Variants in COQ9 observed in about 807,000 individuals in gnomAD.
COQ9 encodes coenzyme Q9.
Under a neutral mutation model 42.4 loss-of-function variants are expected in COQ9, and 35 were observed. The observed-to-expected ratio is 0.83, with a 90% CI of 0.63 to 1.10. The LOEUF is 1.10. Among genes scored for constraint, COQ9 ranks in the 50% least tolerant of loss-of-function variants. COQ9 has a pLI of 0.00. For synonymous variants in COQ9, 155 were observed against 155.1 expected (o/e 1.00, Z 0.00); for missense variants, 406 against 414.6 (o/e 0.98, Z 0.18).
At chr16:57,458,207 C>A in intron 5 of COQ9, 39 bp from the exon 6 acceptor site, 1 of 1,445,948 alleles carries the variant, frequency 6.9e-7, no homozygotes, top group Non-Finnish European at 9.6e-7. Flanking sequence ...GCACCATTAC[C>A]TGTGAGCAGA....
Position 57,461,194 on chromosome 16 carries a change from A to G in COQ9, c.*570A>G, listed in dbSNP as rs139650688. 112 of 455,650 alleles carry G rather than the reference A, an allele frequency of 2.5e-4. 1 individual carries two copies. Among genetic ancestry groups the G allele is most frequent in the African/African-American group, 2.0e-3 (99 of 50,198 alleles). 28.2% of individuals were successfully genotyped at this position (455,650 alleles called of 1,614,324 possible). A position where few individuals can be genotyped will look rare whatever the true frequency, so the allele number is the denominator to read the frequency against. ...GAGGTGTGATTCCAGGCCTGGTGTCACATGACACCAGCATGCATTGCAGGA... is the reference window on the plus strand; with the variant it reads ...GAGGTGTGATTCCAGGCCTGGTGTCGCATGACACCAGCATGCATTGCAGGA... On this transcript the variant is annotated 3_prime_UTR_variant, in exon 9 of 9. Coordinates refer to ENST00000262507, the MANE Select transcript of COQ9 (RefSeq NM_020312.4).
chr16:57,449,249 C>G (rs916153138), intron 1 of COQ9, among the ~76,000 whole-genome samples: 2 of 152,282 alleles, frequency 1.3e-5, no homozygotes, highest in Admixed American at 6.5e-5. Flanking sequence ...CCTGAACAAA[C>G]AGTAAAATTT....
At position 57,458,288 on chromosome 16, in the gene COQ9, C is replaced by G. The variant is rs373923964; in HGVS notation, c.649C>G (p.Leu217Val). ...GCTCCCTCACAACATCCCGTCCAGC[C>G]TGAGCCTGCTCACCAGCATGGTGGA... is the stretch of plus-strand genomic sequence containing the variant. ...LMLPHNIPSS[L>V]SLLTSMVDDM... Residue 217 changes from leucine to valine, a missense_variant, in exon 6 of 9, where the codon CTG becomes GTG. By Grantham distance (32) the Leu-to-Val change is conservative. Transcript: ENST00000262507. 3.1e-6 allele frequency: 5 copies of G among 1,612,948 alleles called. No individual in the cohort carries two copies. The highest frequency in any genetic ancestry group is 4.2e-6 in the Non-Finnish European group (5 of 1,179,500).
At position 57,460,630 on chromosome 16, in the gene COQ9, A is replaced by G; in HGVS notation, c.*6A>G. ...GTCTAAACCAGCGTCGGTGAGAGGA[A>G]GGGGTATAAGCTACAATGCCTAGAA... is the stretch of plus-strand genomic sequence containing the variant. On this transcript the variant is annotated 3_prime_UTR_variant, in exon 9 of 9. Transcript: ENST00000262507. The G allele has an allele frequency of 1.9e-6, 3 of 1,613,028 alleles. No individual in the cohort carries two copies. Among genetic ancestry groups the G allele is most frequent in the Non-Finnish European group, 2.5e-6 (3 of 1,178,982 alleles).
At chr16:57,456,079 A>G (rs1004556237) in intron 3 of COQ9, among the ~76,000 whole-genome samples, 1 of 151,840 alleles carries the variant, frequency 6.6e-6, no homozygotes, top group Admixed American at 6.6e-5. Flanking sequence ...AAAAGAAAGA[A>G]ACAAGAGTGA....
rs759514155 is a variant in COQ9, at chr16:57,453,002, G to A, written c.378+66G>A. On this transcript the variant is annotated intron_variant, in intron 3 of 8. Transcript: ENST00000262507. ...CCAGGATGGAGTCACACCAGGCAGA[G>A]CGGGGGGCCTCATGCCTTCTTCCAG... 55 of 1,599,684 alleles carry A rather than the reference G, an allele frequency of 3.4e-5. No individual in the cohort carries two copies. In the African/African-American group the frequency reaches 6.7e-4, roughly 19 times the overall value.
chr16:57,447,730 C>T lies in COQ9; in HGVS notation c.73+152C>T, dbSNP rs139816829. The T allele has an allele frequency of 1.1e-4, 65 of 573,910 alleles. No individual in the cohort carries two copies. The East Asian group carries it at 2.1e-3, about 18-fold the overall frequency. 35.6% of individuals were successfully genotyped at this position (573,910 alleles called of 1,614,324 possible). A position where few individuals can be genotyped will look rare whatever the true frequency, so the allele number is the denominator to read the frequency against. On this transcript the variant is annotated intron_variant, in intron 1 of 8. Coordinates refer to ENST00000262507, the MANE Select transcript of COQ9 (RefSeq NM_020312.4). ...CATCGGCGCGGGCTCGGGCGAGCCG[C>T]CTGGCTAGCTTCGGCCCTGCTCCGC...
In COQ9 at chr16:57,451,118, A is replaced by G. The variant is rs1336095241; in HGVS notation, c.152A>G (p.Lys51Arg). ...AVGLRSSDEQ[K>R]QQPPNSFSQQ... Reference sequence around the variant, plus strand: ...GGGCTAAGGTCTTCAGATGAGCAGAAGCAGCAGCCTCCCAACTCATTTTCT... The same window carrying G: ...GGGCTAAGGTCTTCAGATGAGCAGAGGCAGCAGCCTCCCAACTCATTTTCT... The change falls in exon 2 of 9, where the codon AAG becomes AGG. Residue 51 changes from lysine to arginine, a missense_variant. Coordinates refer to ENST00000262507, the MANE Select transcript of COQ9 (RefSeq NM_020312.4). 10 of 1,614,062 alleles carry G rather than the reference A, an allele frequency of 6.2e-6. No individual in the cohort carries two copies. Among genetic ancestry groups the G allele is most frequent in the Non-Finnish European group, 8.5e-6 (10 of 1,180,046 alleles).
Position 57,451,275 on chromosome 16 carries a change from C to T in COQ9, c.242+67C>T, listed in dbSNP as rs1393465228. 2.1e-6 allele frequency: 3 copies of T among 1,458,364 alleles called. No homozygotes were observed. In the Admixed American group the frequency reaches 5.0e-5, roughly 24 times the overall value. 90.3% of individuals were successfully genotyped at this position (1,458,364 alleles called of 1,614,324 possible). ...CATTATGTCTGTTCCTCCTTCACTT[C>T]CTCTCTCCTCTCCATCCCCTTTTGT... On this transcript the variant is annotated intron_variant, in intron 2 of 8. Transcript: ENST00000262507.
In COQ9 at chr16:57,459,725, G is replaced by A. The variant is rs757749067; in HGVS notation, c.867+5G>A. ...ATGGGCCACACTGCCAAGCAGGTAG[G>A]TGGGGACTAGCCATTGGGGAACCCT... On this transcript the variant is annotated splice_donor_5th_base_variant and intron_variant, in intron 7 of 8. Coordinates refer to ENST00000262507, the MANE Select transcript of COQ9 (RefSeq NM_020312.4). 2.5e-6 allele frequency: 4 copies of A among 1,614,024 alleles called. No homozygotes were observed. The highest frequency in any genetic ancestry group is 1.6e-4 in the Middle Eastern group (1 of 6,062).
chr16:57,456,310 C>T (rs2030400827), intron 3 of COQ9, 194 bp from the exon 4 acceptor site: 4 of 627,918 alleles, frequency 6.4e-6, no homozygotes, highest in East Asian at 2.9e-5. Flanking sequence ...AAGCCTAGAT[C>T]CCACTCTTGC....
At chr16:57,458,218 G>C (rs762105451) in intron 5 of COQ9, 28 bp from the exon 6 acceptor site, 3 of 1,532,010 alleles carry the variant, frequency 2.0e-6, no homozygotes, top group East Asian at 4.7e-5. Context: ...TGTGAGCAGA[G>C]CTTACTCCTC....
intron 1 of COQ9, among the ~76,000 whole-genome samples, chr16:57,448,205 A>G (rs145464877): frequency 2.0e-4 from 31 of 152,298 alleles, no homozygotes; most frequent in Non-Finnish European, 3.7e-4. Flanking sequence ...AAATCTTCTC[A>G]TGACCCTCAG....
chr16:57,459,839 G>C, intron 7 of COQ9, 119 bp downstream of exon 7: 1 of 1,254,376 alleles, frequency 8.0e-7, no homozygotes, highest in Non-Finnish European at 1.2e-6. Flanking sequence ...CTTCCCAAGG[G>C]CCTGGCTGGT....
At chr16:57,448,267 G>A (rs1301153412) in intron 1 of COQ9, among the ~76,000 whole-genome samples, 1 of 151,864 alleles carries the variant, frequency 6.6e-6, no homozygotes, top group African/African-American at 2.4e-5. Context: ...AAGTTTTGCG[G>A]ATATTTGTGC....
chr16:57,460,643 A>C lies in COQ9; in HGVS notation c.*19A>C, dbSNP rs772321228. 21 of 1,610,024 alleles carry C rather than the reference A, an allele frequency of 1.3e-5. No homozygotes were observed. Among genetic ancestry groups the C allele is most frequent in the Non-Finnish European group, 1.7e-5 (20 of 1,176,336 alleles). On this transcript the variant is annotated 3_prime_UTR_variant, in exon 9 of 9. Coordinates refer to ENST00000262507, the MANE Select transcript of COQ9 (RefSeq NM_020312.4). Reference sequence around the variant, plus strand: ...TCGGTGAGAGGAAGGGGTATAAGCTACAATGCCTAGAAGAGAATGAGCGGA... The same window carrying C: ...TCGGTGAGAGGAAGGGGTATAAGCTCCAATGCCTAGAAGAGAATGAGCGGA...
At position 57,459,658 on chromosome 16, in the gene COQ9, A is replaced by T. The variant is rs781614196; in HGVS notation, c.805A>T (p.Thr269Ser). 1.2e-6 allele frequency: 2 copies of T among 1,614,068 alleles called. No homozygotes were observed. Among genetic ancestry groups the T allele is most frequent in the East Asian group, 4.5e-5 (2 of 44,892 alleles). ...MQDSSPDFEDTWRFLENRVND... is the reference protein window; with the variant it reads ...MQDSSPDFEDSWRFLENRVND... ...GGACTCCTCTCCAGACTTTGAGGAC[A>T]CTTGGCGCTTCCTGGAAAACCGGGT... Residue 269 changes from threonine to serine, a missense_variant, in exon 7 of 9, where the codon ACT (threonine) becomes TCT (serine). Physicochemically the swap from Thr to Ser is moderately conservative, Grantham distance 58. Coordinates refer to ENST00000262507, the MANE Select transcript of COQ9 (RefSeq NM_020312.4).
chr16:57,453,374 A>G, intron 3 of COQ9: 1 of 252,648 alleles, frequency 4.0e-6, no homozygotes, highest in Non-Finnish European at 7.9e-6. Flanking sequence ...GTGTTTGAAA[A>G]CCCCCAAGAA....
chr16:57,459,823 G>A (rs761569325), intron 7 of COQ9, 103 bp downstream of exon 7: 29 of 1,379,228 alleles, frequency 2.1e-5, no homozygotes, highest in Middle Eastern at 3.6e-4. Flanking sequence ...TGACAGTCCT[G>A]AGGGCCTTCC....
Sources: gnomAD v4.1 joint callset for allele counts (sites outside exome capture counted in the v4.1 genomes callset) on GRCh38, gnomAD v4.1.1 for gene constraint, MANE v1.5 for transcripts, NCBI Gene and HGNC (gene_info 2026-07-23, HGNC 2026-07-21) for gene names.